GPC6: variants seen among roughly 807,000 people sequenced by gnomAD.
GPC6 encodes the protein glypican 6, also known as glypican-6.
In GPC6, 14 loss-of-function variants were observed where a neutral mutation model predicts 55.2. The observed-to-expected ratio is 0.25, with a 90% CI of 0.17 to 0.40. The LOEUF is 0.40. GPC6 is among the 10% of genes least tolerant of loss of function. GPC6 has a pLI of 1.00. For missense variants in GPC6, 641 were observed against 708.5 expected, an observed-to-expected ratio of 0.90 and a Z score of 1.08; for synonymous variants, 278 against 259.6, an observed-to-expected ratio of 1.07 and a Z score of -0.68.
intron 1 of GPC6, among the ~76,000 whole-genome samples, chr13:93,375,443 T>A (rs752015306): frequency 6.6e-6 from 1 of 152,212 alleles, no homozygotes; most frequent in Admixed American, 6.5e-5. Flanking sequence ...TAAATGCTAG[T>A]ACCTGGCTGT....
At chr13:94,315,553 A>G (rs563796895) in intron 6 of GPC6, among the ~76,000 whole-genome samples, 1 of 152,320 alleles carries the variant, frequency 6.6e-6, no homozygotes, top group African/African-American at 2.4e-5. Flanking sequence ...AAAGCAAGTC[A>G]CATTATCAAG....
chr13:93,417,386 C>T (rs1425105140), intron 1 of GPC6, among the ~76,000 whole-genome samples: 1 of 152,048 alleles, frequency 6.6e-6, no homozygotes, highest in Non-Finnish European at 1.5e-5. Context: ...TAGCCAGTCT[C>T]TGGAGCACAT....
At chr13:93,340,768 C>A (rs1002446554) in intron 1 of GPC6, among the ~76,000 whole-genome samples, 2 of 151,356 alleles carry the variant, frequency 1.3e-5, no homozygotes, top group African/African-American at 4.9e-5. Flanking sequence ...GACTTATGAA[C>A]CATCGTGAAG....
chr13:93,792,852 G>A (rs78568694), intron 2 of GPC6, among the ~76,000 whole-genome samples: 4,313 of 152,138 alleles, frequency 0.028, 199 homozygotes, highest in African/African-American at 0.096. Context: ...GAACTATTGG[G>A]GAATGAAAGG....
chr13:93,326,446 A>ACACGCC (rs994999079), intron 1 of GPC6, among the ~76,000 whole-genome samples: 6 of 152,182 alleles, frequency 3.9e-5, no homozygotes, highest in Admixed American at 1.3e-4. Context: ...CTGGCTACAC[A>ACACGCC]CACGCACACG....
chr13:94,140,333 A>C (rs2138879375), intron 4 of GPC6, among the ~76,000 whole-genome samples: 1 of 152,352 alleles, frequency 6.6e-6, no homozygotes, highest in Middle Eastern at 3.4e-3. Flanking sequence ...GAATTCTCTC[A>C]CAATACACTA....
At chr13:93,497,224 C>T (rs1317919226) in intron 1 of GPC6, among the ~76,000 whole-genome samples, 3 of 152,212 alleles carry the variant, frequency 2.0e-5, no homozygotes, top group South Asian at 2.1e-4. Context: ...TAGCCTAGGG[C>T]ATCTACATTC....
intron 5 of GPC6, among the ~76,000 whole-genome samples, chr13:94,298,602 T>A (rs1260261129): frequency 2.6e-5 from 4 of 152,222 alleles, no homozygotes; most frequent in Non-Finnish European, 5.9e-5. Context: ...GAAGCCAATC[T>A]AACTATTTTG....
intron 4 of GPC6, among the ~76,000 whole-genome samples, chr13:94,194,764 A>G (rs2138967308): frequency 6.6e-6 from 1 of 152,328 alleles, no homozygotes; most frequent in South Asian, 2.1e-4. Context: ...TAAAAATTTT[A>G]AAGATGAAAA....
At chr13:94,170,125 T>A (rs1888508574) in intron 4 of GPC6, among the ~76,000 whole-genome samples, 1 of 152,048 alleles carries the variant, frequency 6.6e-6, no homozygotes, top group Non-Finnish European at 1.5e-5. Context: ...GCACAAGAAA[T>A]AATGAGTGCT....
intron 1 of GPC6, among the ~76,000 whole-genome samples, chr13:93,322,431 C>CTTTTTTTTTTTTTTTTTTTT (rs71272281): frequency 3.1e-5 from 3 of 96,788 alleles, no homozygotes; most frequent in South Asian, 4.0e-4. Context: ...TTTCTTTCTT[C>CTTTTTTTTTTTTTTTTTTTT]TTTTTTTTTT....
chr13:93,647,152 A>G (rs1027367790), intron 2 of GPC6, among the ~76,000 whole-genome samples: 1 of 152,178 alleles, frequency 6.6e-6, no homozygotes, highest in Admixed American at 6.6e-5. Context: ...TGGGTTAATT[A>G]TATATACAAA....
intron 1 of GPC6, among the ~76,000 whole-genome samples, chr13:93,264,593 T>C (rs903560670): frequency 5.3e-5 from 8 of 152,066 alleles, no homozygotes; most frequent in Middle Eastern, 3.4e-3. Flanking sequence ...AATTTTTCGG[T>C]AGAAACAAGG....
At chr13:93,532,577 G>C (rs894349732) in intron 1 of GPC6, among the ~76,000 whole-genome samples, 1 of 152,140 alleles carries the variant, frequency 6.6e-6, no homozygotes, top group South Asian at 2.1e-4. Context: ...TCTCACTCCA[G>C]ATGCTTTCTG....
At chr13:94,062,408 G>A (rs1005976529) in intron 4 of GPC6, among the ~76,000 whole-genome samples, 3 of 151,918 alleles carry the variant, frequency 2.0e-5, no homozygotes, top group South Asian at 4.1e-4. Context: ...GTGCCACCAT[G>A]CCTGGCTAAT....
intron 2 of GPC6, among the ~76,000 whole-genome samples, chr13:93,721,664 G>A (rs1283985914): frequency 6.6e-6 from 1 of 151,724 alleles, no homozygotes; most frequent in Non-Finnish European, 1.5e-5. Flanking sequence ...TTTTCTAAGA[G>A]CAAAAATATT....
chr13:93,387,009 G>A (rs1289684102), intron 1 of GPC6, among the ~76,000 whole-genome samples: 3 of 152,104 alleles, frequency 2.0e-5, no homozygotes, highest in South Asian at 2.1e-4. Context: ...AACTAAATCC[G>A]TAATTACATC....
intron 1 of GPC6, among the ~76,000 whole-genome samples, chr13:93,325,092 GAAAGATGAAAAATT>G (rs34262951): frequency 0.13 from 19,633 of 152,130 alleles, 1,574 homozygotes; most frequent in East Asian, 0.36. Context: ...ATCTCTGGAT[GAAAGATGAAAAATT>G]TGCATGCTTA....
At chr13:94,394,992 G>A (rs558533399) in intron 7 of GPC6, among the ~76,000 whole-genome samples, 1 of 152,260 alleles carries the variant, frequency 6.6e-6, no homozygotes, top group African/African-American at 2.4e-5. Context: ...AAGAAACAAA[G>A]CTCGCCTCTG....
Sources: allele counts gnomAD v4.1 joint callset (sites outside exome capture counted in the v4.1 genomes callset), GRCh38; gene constraint gnomAD v4.1.1; transcripts MANE v1.5; gene names NCBI Gene and HGNC (gene_info 2026-07-23, HGNC 2026-07-21).